The following LEKR1 variants were observed in gnomAD, a reference collection of about 807,000 sequenced individuals.
The protein encoded by LEKR1 is leucine, glutamate and lysine rich 1, also known as protein LEKR1.
Under a neutral mutation model 72.4 loss-of-function variants are expected in LEKR1, and 59 were observed. That is an observed-to-expected ratio of 0.82 (90% CI 0.66 to 1.01). The LOEUF is 1.01. Ranked by LOEUF, LEKR1 falls within the 50% of genes least tolerant of loss-of-function variation. The pLI, the probability that LEKR1 is intolerant of heterozygous loss-of-function variation, is 0.00. For missense variants in LEKR1, 728 were observed against 759.2 expected (o/e 0.96, Z 0.48); for synonymous variants, 257 against 263.2 (o/e 0.98, Z 0.23).
intron 3 of LEKR1, among the ~76,000 whole-genome samples, chr3:156,901,048 C>T (rs1408229781): frequency 2.0e-5 from 3 of 152,072 alleles, no homozygotes; most frequent in Admixed American, 6.5e-5. Context: ...TGGTCTTAAA[C>T]TCCTGACCTA....
At chr3:156,985,820 G>T (rs928567810) in intron 7 of LEKR1, among the ~76,000 whole-genome samples, 4 of 148,630 alleles carry the variant, frequency 2.7e-5, no homozygotes, top group Non-Finnish European at 5.9e-5. Context: ...TCCAGCCTGG[G>T]CAGCAAAGCG....
intron 2 of LEKR1, among the ~76,000 whole-genome samples, chr3:156,831,763 C>T (rs922840984): frequency 6.6e-6 from 1 of 152,166 alleles, no homozygotes; most frequent in African/African-American, 2.4e-5. Context: ...CCCACCAGGT[C>T]CCCCTCACGA....
At chr3:156,943,567 G>A (rs1726418833) in intron 6 of LEKR1, among the ~76,000 whole-genome samples, 1 of 151,848 alleles carries the variant, frequency 6.6e-6, no homozygotes, top group South Asian at 2.1e-4. Flanking sequence ...AAACCGGTTG[G>A]ACTTCAATGC....
At chr3:156,851,076 G>C (rs1004028906) in intron 2 of LEKR1, 3 of 151,848 alleles carry the variant, frequency 2.0e-5, no homozygotes, top group Non-Finnish European at 2.9e-5. Flanking sequence ...CTCTCATTCT[G>C]TTTTAGTGAG....
chr3:156,869,418 C>T (rs1048203331), intron 3 of LEKR1, among the ~76,000 whole-genome samples: 3 of 151,942 alleles, frequency 2.0e-5, no homozygotes, highest in South Asian at 2.1e-4. Context: ...GATGATATCT[C>T]GTGGTTTTGG....
chr3:156,875,127 A>G (rs1718404458), intron 3 of LEKR1, among the ~76,000 whole-genome samples: 2 of 152,176 alleles, frequency 1.3e-5, no homozygotes, highest in South Asian at 2.1e-4. Context: ...CATAGTGGTT[A>G]TACTAGTTTA....
At chr3:157,032,512 A>C (rs187875061) in intron 12 of LEKR1, among the ~76,000 whole-genome samples, 1 of 152,346 alleles carries the variant, frequency 6.6e-6, no homozygotes, top group East Asian at 1.9e-4. Flanking sequence ...AATGGCAGTC[A>C]ATTAATAAAA....
chr3:156,985,842 CAAAA>C (rs34169262), intron 7 of LEKR1, among the ~76,000 whole-genome samples: 78 of 119,490 alleles, frequency 6.5e-4, no homozygotes, highest in Admixed American at 7.6e-4. Context: ...GACTCTGTGT[CAAAA>C]AAAAAAAAAA....
intron 3 of LEKR1, among the ~76,000 whole-genome samples, chr3:156,916,461 T>C (rs1189261182): frequency 6.6e-6 from 1 of 152,102 alleles, no homozygotes; most frequent in Non-Finnish European, 1.5e-5. Context: ...ATTCTCATTG[T>C]AGAGATTTTT....
intron 7 of LEKR1, among the ~76,000 whole-genome samples, chr3:156,992,377 T>C (rs183926966): frequency 1.3e-5 from 2 of 152,344 alleles, no homozygotes; most frequent in Non-Finnish European, 2.9e-5. Context: ...TTTAGTCACT[T>C]TCCAATACCT....
At chr3:157,028,536 CTGG>C (rs1734372869) in intron 12 of LEKR1, 134 bp downstream of exon 12, 10 of 727,952 alleles carry the variant, frequency 1.4e-5, no homozygotes, top group Non-Finnish European at 2.2e-5. Flanking sequence ...AAATCACATC[CTGG>C]TGCTCTGTCC....
At chr3:156,969,585 C>A (rs1433630636) in intron 6 of LEKR1, among the ~76,000 whole-genome samples, 1 of 152,164 alleles carries the variant, frequency 6.6e-6, no homozygotes, top group Non-Finnish European at 1.5e-5. Flanking sequence ...GAAATTGAAT[C>A]TCTGAATAGA....
intron 12 of LEKR1, among the ~76,000 whole-genome samples, chr3:157,037,086 C>T (rs1735017952): frequency 6.6e-6 from 1 of 152,128 alleles, no homozygotes; most frequent in South Asian, 2.1e-4. Context: ...GGAGGAGCAG[C>T]ATCTGTTGGG....
chr3:157,019,259 A>C (rs533384496), intron 10 of LEKR1, among the ~76,000 whole-genome samples: 2 of 152,232 alleles, frequency 1.3e-5, no homozygotes, highest in Non-Finnish European at 2.9e-5. Context: ...ATGTTCAATA[A>C]GAAAAATGAT....
intron 12 of LEKR1, among the ~76,000 whole-genome samples, chr3:157,041,997 A>C (rs71310489): frequency 0.024 from 3,699 of 152,302 alleles, 53 homozygotes; most frequent in Middle Eastern, 0.082. Context: ...TACACCCCTG[A>C]AATAGCAATC....
In LEKR1 at chr3:156,988,153, C is replaced by T. The variant is rs561291302; in HGVS notation, c.828-4500C>T. 2.9e-5 allele frequency: 5 copies of T among 172,656 alleles called. No homozygotes were observed. The South Asian group carries it at 7.6e-4, about 26-fold the overall frequency. 10.7% of individuals were successfully genotyped at this position (172,656 alleles called of 1,614,324 possible). ...TGTGCAGGAACACCAAGAGGTCTAC[C>T]TCCATGCCTGCAGCCCATTGTGCAA... On this transcript the variant is annotated intron_variant, in intron 7 of 12. Coordinates refer to ENST00000356539, the MANE Select transcript of LEKR1 (RefSeq NM_001004316.3).
At chr3:156,949,180 C>G (rs1726940752) in intron 6 of LEKR1, among the ~76,000 whole-genome samples, 1 of 151,578 alleles carries the variant, frequency 6.6e-6, no homozygotes, top group Non-Finnish European at 1.5e-5. Context: ...TCCTATTTGT[C>G]AGTTTTTGCC....
chr3:156,909,320 C>A (rs546242984), intron 3 of LEKR1, among the ~76,000 whole-genome samples: 2 of 152,192 alleles, frequency 1.3e-5, no homozygotes, highest in East Asian at 3.9e-4. Flanking sequence ...CTTGTAATTT[C>A]CATTTTTATT....
At chr3:156,966,695 T>C (rs1185717251) in intron 6 of LEKR1, among the ~76,000 whole-genome samples, 2 of 152,128 alleles carry the variant, frequency 1.3e-5, no homozygotes, top group Non-Finnish European at 2.9e-5. Context: ...AGACTCCACC[T>C]CTGGGGGCAG....
Sources: gnomAD v4.1 joint callset for allele counts (sites outside exome capture counted in the v4.1 genomes callset) on GRCh38, gnomAD v4.1.1 for gene constraint, MANE v1.5 for transcripts, NCBI Gene and HGNC (gene_info 2026-07-23, HGNC 2026-07-21) for gene names.